Variants in JRK observed in about 807,000 individuals in gnomAD.
JRK encodes Jrk helix-turn-helix protein.
For missense variants in JRK, 720 were observed against 509.2 expected (o/e 1.41, Z -3.98); for synonymous variants, 303 against 218.1 (o/e 1.39, Z -3.43).
downstream of JRK, among the ~76,000 whole-genome samples, chr8:142,656,480 T>C (rs1168348559): frequency 1.3e-4 from 5 of 38,258 alleles, no homozygotes; most frequent in African/African-American, 5.6e-5. Flanking sequence ...CTGTTTAAAC[T>C]GCTTCACAGG....
At chr8:142,645,448 G>A in the JRK span, among the ~76,000 whole-genome samples, 1 of 152,142 alleles carries the variant, frequency 6.6e-6, no homozygotes, top group Non-Finnish European at 1.5e-5. Context: ...GGGAGGCCGA[G>A]ATGGGCGGAT....
Position 142,665,004 on chromosome 8 carries a change from C to T in JRK, c.1055G>A (p.Gly352Asp), listed in dbSNP as rs1481130440. Residue 352 changes from glycine to aspartate, a missense_variant, in exon 2 of 2, where the codon GGC becomes GAC. Physicochemically the swap from Gly to Asp is moderately conservative, Grantham distance 94. Coordinates refer to ENST00000612905, the MANE Select transcript of JRK (RefSeq NM_003724.4). ...GTTCATGTTGTAGCGGGCGTGGGGG[C>T]CCTGCAGGGGGACCGGAGGGTTAAT... is the stretch of plus-strand genomic sequence containing the variant. ...NFINPPVPLQ[G>D]PHARYNMNDA... 4.2e-6 allele frequency: 3 copies of T among 717,578 alleles called. No homozygotes were observed. Among genetic ancestry groups the T allele is most frequent in the Non-Finnish European group, 7.8e-6 (3 of 385,034 alleles). 44.5% of individuals were successfully genotyped at this position (717,578 alleles called of 1,614,324 possible). A position where few individuals can be genotyped will look rare whatever the true frequency, so the allele number is the denominator to read the frequency against.
rs587706368 is a variant in JRK, at chr8:142,657,854, G to A, written c.*6498C>T. On this transcript the variant is annotated 3_prime_UTR_variant, in exon 2 of 2. Transcript: ENST00000612905. The stretch of plus-strand genomic sequence containing the variant: ...TGGCAGAAGGAGCCTGGCTCTGCCA[G>A]ACAGTTGAGCTGTTTCATTAGCCCT... 1 of 152,430 alleles carries A rather than the reference G, an allele frequency of 6.6e-6. No homozygotes were observed. Among genetic ancestry groups the A allele is most frequent in the South Asian group, 2.1e-4 (1 of 4,832 alleles). The allele number at this position is 152,430 out of a possible 1,614,324, so 9.4% of individuals were successfully genotyped here.
At position 142,661,995 on chromosome 8, in the gene JRK, C is replaced by T. The variant is rs1277576482; in HGVS notation, c.*2357G>A. On this transcript the variant is annotated 3_prime_UTR_variant, in exon 2 of 2. Transcript: ENST00000612905. ...CTCCCTAAAAACCTCACTCCAGCAG[C>T]GAGCCCAGGTGAGGAGGGGCTGCAG... 7.1e-6 allele frequency: 7 copies of T among 985,506 alleles called. No individual in the cohort carries two copies. The highest frequency in any genetic ancestry group is 3.5e-5 in the African/African-American group (2 of 57,344). The allele number at this position is 985,506 out of a possible 1,614,324, so 61.0% of individuals were successfully genotyped here.
At position 142,664,106 on chromosome 8, in the gene JRK, C is replaced by T. The variant is rs1554635025; in HGVS notation, c.*246G>A. On this transcript the variant is annotated 3_prime_UTR_variant, in exon 2 of 2. Transcript: ENST00000612905. ...GGCTTGTTCTAGGCTAGGGTGGACC[C>T]TTCCAAAACATTTCCTCACTTTCGG... The T allele has an allele frequency of 1.5e-6, 2 of 1,317,130 alleles. No homozygotes were observed. Among genetic ancestry groups the T allele is most frequent in the Non-Finnish European group, 1.9e-6 (2 of 1,036,640 alleles). 81.6% of individuals were successfully genotyped at this position (1,317,130 alleles called of 1,614,324 possible).
Position 142,663,152 on chromosome 8 carries a change from C to A in JRK, c.*1200G>T. 1 of 985,044 alleles carries A rather than the reference C, an allele frequency of 1.0e-6. No homozygotes were observed. Among genetic ancestry groups the A allele is most frequent in the Non-Finnish European group, 1.2e-6 (1 of 829,650 alleles). 61.0% of individuals were successfully genotyped at this position (985,044 alleles called of 1,614,324 possible). On this transcript the variant is annotated 3_prime_UTR_variant, in exon 2 of 2. Transcript: ENST00000612905. ...TGGTCAACAGAGTGAGACCCTGCCTCAAGAAAAGAAAAGGACAATGCACCT... is the reference window on the plus strand; with the variant it reads ...TGGTCAACAGAGTGAGACCCTGCCTAAAGAAAAGAAAAGGACAATGCACCT...
chr8:142,652,612 T>G (rs1046432711), downstream of JRK, among the ~76,000 whole-genome samples: 6 of 152,102 alleles, frequency 3.9e-5, no homozygotes, highest in African/African-American at 1.4e-4. Flanking sequence ...CATAGGCCCC[T>G]CCCCACCGAA....
In JRK at chr8:142,662,109, T is replaced by C. The variant is rs587763346; in HGVS notation, c.*2243A>G. 1.0e-5 allele frequency: 10 copies of C among 985,652 alleles called. No homozygotes were observed. The South Asian group carries it at 4.7e-4, about 46-fold the overall frequency. The allele number at this position is 985,652 out of a possible 1,614,324, so 61.1% of individuals were successfully genotyped here. A position where few individuals can be genotyped will look rare whatever the true frequency, so the allele number is the denominator to read the frequency against. ...AGTCAGGCTCCAGGCCTTGCTGCAG[T>C]TGGTCTGGAAGAGGGGCACCCTGAG... On this transcript the variant is annotated 3_prime_UTR_variant, in exon 2 of 2. Transcript: ENST00000612905.
chr8:142,658,588 A>G lies in JRK; in HGVS notation c.*5764T>C, dbSNP rs1245811597. On this transcript the variant is annotated 3_prime_UTR_variant, in exon 2 of 2. Transcript: ENST00000612905. ...CTCGCTCTAGTTCCTTCCTTTTCTT[A>G]TAAGGACTCGATCTCATCGGCGAGC... 3 of 306,450 alleles carry G rather than the reference A, an allele frequency of 9.8e-6. No homozygotes were observed. The highest frequency in any genetic ancestry group is 1.8e-5 in the Non-Finnish European group (3 of 165,586). 19.0% of individuals were successfully genotyped at this position (306,450 alleles called of 1,614,324 possible). A position where few individuals can be genotyped will look rare whatever the true frequency, so the allele number is the denominator to read the frequency against.
chr8:142,661,919 G>A lies in JRK; in HGVS notation c.*2433C>T. ...CTGGGGGACAGGACCGAGGCAAGAG[G>A]TATGCACCAGGCAGCTGGGCCCAGC... On this transcript the variant is annotated 3_prime_UTR_variant, in exon 2 of 2. Coordinates refer to ENST00000612905, the MANE Select transcript of JRK (RefSeq NM_003724.4). 3 of 985,568 alleles carry A rather than the reference G, an allele frequency of 3.0e-6. No individual in the cohort carries two copies. Among genetic ancestry groups the A allele is most frequent in the Non-Finnish European group, 2.4e-6 (2 of 830,034 alleles). 61.1% of individuals were successfully genotyped at this position (985,568 alleles called of 1,614,324 possible). A position where few individuals can be genotyped will look rare whatever the true frequency, so the allele number is the denominator to read the frequency against.
rs1554635559 is a variant in JRK at position 142,665,185 on chromosome 8, T to C, written c.874A>G (p.Ser292Gly). 3 of 717,832 alleles carry C rather than the reference T, an allele frequency of 4.2e-6. No homozygotes were observed. Among genetic ancestry groups the C allele is most frequent in the African/African-American group, 1.7e-5 (1 of 57,282 alleles). The allele number at this position is 717,832 out of a possible 1,614,324, so 44.5% of individuals were successfully genotyped here. A position where few individuals can be genotyped will look rare whatever the true frequency, so the allele number is the denominator to read the frequency against. ...CTGTCCAGCAAGAGAACGGCTTTGC[T>C]GTCTTCCGGCAAACCTATGGTTCTG... ...HFRTIGLPED[S>G]KAVLLLDSSR... Residue 292 changes from serine to glycine, a missense_variant, in exon 2 of 2, where the codon AGC becomes GGC. Ser to Gly is a moderately conservative substitution (Grantham distance 56). Transcript: ENST00000612905.
In JRK at chr8:142,666,108, G is replaced by A. The variant is rs1554636071; in HGVS notation, c.-50C>T. ...CTTGCAGGACACACGCCTGGCCTGGGCTGCTGCCACTACTTCCCTCTCCTC... is the reference window on the plus strand; with the variant it reads ...CTTGCAGGACACACGCCTGGCCTGGACTGCTGCCACTACTTCCCTCTCCTC... On this transcript the variant is annotated 5_prime_UTR_variant, in exon 2 of 2. Coordinates refer to ENST00000612905, the MANE Select transcript of JRK (RefSeq NM_003724.4). 1 of 1,559,290 alleles carries A rather than the reference G, an allele frequency of 6.4e-7. No individual in the cohort carries two copies. The highest frequency in any genetic ancestry group is 8.7e-7 in the Non-Finnish European group (1 of 1,152,136).
chr8:142,644,234 GACA>G, the JRK span, among the ~76,000 whole-genome samples: 21 of 152,178 alleles, frequency 1.4e-4, no homozygotes, highest in Admixed American at 2.6e-4. Context: ...ACCAAAATAA[GACA>G]ACAATTGTCT....
chr8:142,648,442 C>A, the JRK span, among the ~76,000 whole-genome samples: 3 of 152,188 alleles, frequency 2.0e-5, no homozygotes, highest in Admixed American at 6.5e-5. Context: ...GACTTGGTGC[C>A]CTGCATCCCA....
Position 142,658,735 on chromosome 8 carries a change from C to T in JRK, c.*5617G>A. ...TGGGGGGGGACACAAACATGCAGTC[C>T]TTAACACCATCGTCATGGAGATGGA... On this transcript the variant is annotated 3_prime_UTR_variant, in exon 2 of 2. Transcript: ENST00000612905. 1 of 1,481,242 alleles carries T rather than the reference C, an allele frequency of 6.8e-7. No homozygotes were observed. The highest frequency in any genetic ancestry group is 9.0e-7 in the Non-Finnish European group (1 of 1,111,980). 91.8% of individuals were successfully genotyped at this position (1,481,242 alleles called of 1,614,324 possible).
the JRK span, among the ~76,000 whole-genome samples, chr8:142,643,831 A>G: frequency 6.6e-6 from 1 of 152,368 alleles, no homozygotes; most frequent in Non-Finnish European, 1.5e-5. Flanking sequence ...TACTTATGTA[A>G]ATAACTGTAT....
At position 142,663,262 on chromosome 8, in the gene JRK, G is replaced by C; in HGVS notation, c.*1090C>G. 4.1e-6 allele frequency: 4 copies of C among 985,422 alleles called. No individual in the cohort carries two copies. The highest frequency in any genetic ancestry group is 4.8e-6 in the Non-Finnish European group (4 of 829,936). 61.0% of individuals were successfully genotyped at this position (985,422 alleles called of 1,614,324 possible). A position where few individuals can be genotyped will look rare whatever the true frequency, so the allele number is the denominator to read the frequency against. ...CAGCTGCAGGCAGTGAGTGTTGCCC[G>C]TGAAATGGAGATGCCGCAAAGCAAC... On this transcript the variant is annotated 3_prime_UTR_variant, in exon 2 of 2. Coordinates refer to ENST00000612905, the MANE Select transcript of JRK (RefSeq NM_003724.4).
the JRK span, among the ~76,000 whole-genome samples, chr8:142,644,052 G>C: frequency 6.6e-6 from 1 of 152,160 alleles, no homozygotes; most frequent in African/African-American, 2.4e-5. Flanking sequence ...TAGTTCAGTT[G>C]CTGTAGTTAA....
chr8:142,652,473 T>C (rs1326215988), downstream of JRK, among the ~76,000 whole-genome samples: 4 of 152,234 alleles, frequency 2.6e-5, no homozygotes, highest in Middle Eastern at 3.4e-3. Context: ...AGGTCATAGG[T>C]AGATAAGAGA....
Sources: allele counts gnomAD v4.1 joint callset (sites outside exome capture counted in the v4.1 genomes callset), GRCh38; gene constraint gnomAD v4.1.1; transcripts MANE v1.5; gene names NCBI Gene and HGNC (gene_info 2026-07-23, HGNC 2026-07-21).